CDH13: variants seen among roughly 807,000 people sequenced by gnomAD.
The protein encoded by CDH13 is cadherin-13.
In CDH13, 24 loss-of-function variants were observed where a neutral mutation model predicts 63.8. The ratio of observed to expected loss-of-function variants is 0.38; its 90% CI spans 0.27 to 0.53. CDH13 has a LOEUF of 0.53. Among genes scored for constraint, CDH13 ranks in the 20% least tolerant of loss-of-function variants. CDH13 has a pLI of 0.85. For missense variants in CDH13, 1,049 were observed against 903.1 expected (o/e 1.16, Z -2.07); for synonymous variants, 503 against 355.3 (o/e 1.42, Z -4.67).
chr16:83,526,400 C>T (rs566263723), intron 7 of CDH13, among the ~76,000 whole-genome samples: 3 of 152,258 alleles, frequency 2.0e-5, no homozygotes, highest in South Asian at 4.1e-4. Context: ...GGATGGTTTC[C>T]GGATGAAACT....
In CDH13 at chr16:83,246,840, G is replaced by A. The variant is rs556513760; in HGVS notation, c.636+29343G>A. On this transcript the variant is annotated intron_variant, in intron 5 of 13. Coordinates refer to ENST00000567109, the MANE Select transcript of CDH13 (RefSeq NM_001257.5). The stretch of plus-strand genomic sequence containing the variant: ...ACATTGCCGTCTGTTTCCTTCTTCA[G>A]TTCTCCTTTCCCTTCTACTCCAGTC... Among the ~76,000 whole-genome samples, 4 of 152,220 alleles carry A rather than the reference G, an allele frequency of 2.6e-5. No homozygotes were observed. In the South Asian group the frequency reaches 6.2e-4, roughly 24 times the overall value.
chr16:83,279,169 A>C (rs2089084981), intron 5 of CDH13, among the ~76,000 whole-genome samples: 1 of 152,116 alleles, frequency 6.6e-6, no homozygotes, highest in Non-Finnish European at 1.5e-5. Flanking sequence ...GGGAGGCCAA[A>C]GGTAAGAATT....
intron 6 of CDH13, among the ~76,000 whole-genome samples, chr16:83,391,096 C>G (rs1345463832): frequency 2.0e-5 from 3 of 152,210 alleles, no homozygotes; most frequent in Admixed American, 1.3e-4. Context: ...TCTGCTGCCT[C>G]TAACCTCCTT....
chr16:83,796,920 G>A lies in CDH13; in HGVS notation c.*1890G>A, dbSNP rs549064998. 3 of 152,310 alleles carry A rather than the reference G, an allele frequency of 2.0e-5. No individual in the cohort carries two copies. Among genetic ancestry groups the A allele is most frequent in the South Asian group, 2.1e-4 (1 of 4,822 alleles). The allele number at this position is 152,310 out of a possible 1,614,324, so 9.4% of individuals were successfully genotyped here. On this transcript the variant is annotated 3_prime_UTR_variant, in exon 14 of 14. Transcript: ENST00000567109. ...TCTGTCAACAGTCCCAAGACCTGGG[G>A]ATTTTTCTCTGGAACAAATCCTGTT...
At chr16:83,599,088 G>T (rs755425287) in intron 7 of CDH13, among the ~76,000 whole-genome samples, 47 of 152,208 alleles carry the variant, frequency 3.1e-4, no homozygotes, top group Non-Finnish European at 6.0e-4. Flanking sequence ...TGAGGGTGAG[G>T]AAGGGGTGAT....
intron 5 of CDH13, among the ~76,000 whole-genome samples, chr16:83,294,992 T>C (rs1277093366): frequency 6.6e-6 from 1 of 152,144 alleles, no homozygotes; most frequent in Non-Finnish European, 1.5e-5. Flanking sequence ...ACTACAAAGC[T>C]GTAACAACCA....
chr16:83,791,410 C>T lies in CDH13; in HGVS notation c.2135-3613C>T, dbSNP rs184679196. Among the ~76,000 whole-genome samples, 949 of 151,054 alleles carry T rather than the reference C, an allele frequency of 6.3e-3. 3 individuals are homozygous for T. The highest frequency in any genetic ancestry group is 0.011 in the Middle Eastern group (3 of 284). ...ACTCAGGAGGCTGAGGCAGGAGAAT[C>T]GAGTGAGCTTGGGAGGCAGAGGGTG... On this transcript the variant is annotated intron_variant, in intron 13 of 13. Coordinates refer to ENST00000567109, the MANE Select transcript of CDH13 (RefSeq NM_001257.5).
intron 2 of CDH13, 27 bp from the exon 3 acceptor site, chr16:83,031,983 C>T: frequency 1.3e-6 from 2 of 1,545,226 alleles, no homozygotes; most frequent in Non-Finnish European, 1.8e-6. Flanking sequence ...TACTCATGCT[C>T]CTTCTGTTGT....
intron 10 of CDH13, among the ~76,000 whole-genome samples, chr16:83,719,097 A>T (rs1909333399): frequency 6.6e-6 from 1 of 152,072 alleles, no homozygotes; most frequent in Non-Finnish European, 1.5e-5. Flanking sequence ...CTCTCCTTAA[A>T]ACCAGCCCAT....
chr16:83,686,062 A>T (rs1242374735), intron 10 of CDH13, among the ~76,000 whole-genome samples: 3 of 152,172 alleles, frequency 2.0e-5, no homozygotes, highest in African/African-American at 7.2e-5. Context: ...CTTTTTACTG[A>T]TGAGGAGAGA....
intron 3 of CDH13, among the ~76,000 whole-genome samples, chr16:83,042,596 A>C (rs896344680): frequency 6.6e-6 from 1 of 152,214 alleles, no homozygotes; most frequent in African/African-American, 2.4e-5. Context: ...GAATCATCCC[A>C]AAACCGCCAC....
At chr16:83,034,049 C>T (rs558123896) in intron 3 of CDH13, among the ~76,000 whole-genome samples, 2 of 152,234 alleles carry the variant, frequency 1.3e-5, no homozygotes, top group African/African-American at 4.8e-5. Context: ...GTGAGAGTTA[C>T]CTTCCCGCCA....
intron 1 of CDH13, among the ~76,000 whole-genome samples, chr16:82,755,997 C>T (rs9927142): frequency 0.033 from 5,051 of 152,138 alleles, 293 homozygotes; most frequent in African/African-American, 0.12. Context: ...GCAGAGCGTT[C>T]TAGGAGGAGT....
chr16:83,381,467 G>C (rs1004047277), intron 6 of CDH13, among the ~76,000 whole-genome samples: 2 of 151,898 alleles, frequency 1.3e-5, no homozygotes, highest in African/African-American at 4.8e-5. Context: ...CACCGAGATC[G>C]CATCAGCAAG....
intron 3 of CDH13, among the ~76,000 whole-genome samples, chr16:83,064,350 C>G (rs536955104): frequency 9.1e-6 from 1 of 109,864 alleles, no homozygotes; most frequent in East Asian, 4.5e-4. Flanking sequence ...GCCTGGGTGA[C>G]AAAGTGAGAC....
At chr16:82,925,121 T>C (rs1435688689) in intron 2 of CDH13, among the ~76,000 whole-genome samples, 1 of 152,132 alleles carries the variant, frequency 6.6e-6, no homozygotes, top group Non-Finnish European at 1.5e-5. Context: ...ATTCCCCTAG[T>C]TGAGGGGAAG....
intron 7 of CDH13, among the ~76,000 whole-genome samples, chr16:83,546,620 G>A (rs1020205779): frequency 6.6e-6 from 1 of 152,118 alleles, no homozygotes; most frequent in Non-Finnish European, 1.5e-5. Context: ...CCATGTCTCT[G>A]ATCTTTACTC....
At chr16:82,858,313 G>T in intron 1 of CDH13, 49 bp from the exon 2 acceptor site, 1 of 1,275,504 alleles carries the variant, frequency 7.8e-7, no homozygotes, top group Non-Finnish European at 1.1e-6. Flanking sequence ...AGTTAGCAGG[G>T]CAAACACATA....
intron 6 of CDH13, among the ~76,000 whole-genome samples, chr16:83,388,634 A>G (rs1011894448): frequency 2.0e-5 from 3 of 152,168 alleles, no homozygotes; most frequent in South Asian, 2.1e-4. Flanking sequence ...CAATCTCTGC[A>G]TGGCCACTTT....
Sources: gnomAD v4.1 joint callset for allele counts (sites outside exome capture counted in the v4.1 genomes callset) on GRCh38, gnomAD v4.1.1 for gene constraint, MANE v1.5 for transcripts, NCBI Gene and HGNC (gene_info 2026-07-23, HGNC 2026-07-21) for gene names.